Variants in STK11 observed in about 807,000 individuals in gnomAD.
STK11 encodes serine/threonine-protein kinase STK11.
Under a neutral mutation model 47.3 loss-of-function variants are expected in STK11, and 8 were observed. The observed-to-expected ratio is 0.17, with a 90% confidence interval of 0.10 to 0.31. The LOEUF (loss-of-function observed/expected upper bound fraction) is 0.31. Among genes scored for constraint, STK11 ranks in the 10% least tolerant of loss-of-function variants. The pLI is 1.00. For synonymous variants in STK11, 330 were observed against 255.8 expected, an observed-to-expected ratio of 1.29 and a Z score of -2.77; for missense variants, 475 against 605.0, an observed-to-expected ratio of 0.79 and a Z score of 2.25.
At chr19:1,214,598 C>T (rs2080733258) in intron 1 of STK11, among the ~76,000 whole-genome samples, 1 of 152,172 alleles carries the variant, frequency 6.6e-6, no homozygotes. Context: ...GAGTCCTCCA[C>T]CCTCATTTGC....
intron 8 of STK11, chr19:1,223,809 G>A (rs904281400): frequency 5.7e-5 from 59 of 1,033,372 alleles, no homozygotes; most frequent in Non-Finnish European, 6.4e-5. Context: ...GCCCCTCCCC[G>A]CCATGCTCCC....
chr19:1,221,071 T>C, intron 5 of STK11, 142 bp from the exon 6 acceptor site: 1 of 1,238,034 alleles, frequency 8.1e-7, no homozygotes, highest in Non-Finnish European at 1.1e-6. Flanking sequence ...TGGAAGGTGG[T>C]GAAGACAGAG....
chr19:1,210,864 A>G (rs776667246), intron 1 of STK11, among the ~76,000 whole-genome samples: 5 of 144,840 alleles, frequency 3.5e-5, no homozygotes, highest in African/African-American at 7.7e-5. Flanking sequence ...CTCCGTCTCG[A>G]AAAAAAAAAG....
At chr19:1,207,344 C>A in intron 1 of STK11, 141 bp downstream of exon 1, 2 of 1,205,674 alleles carry the variant, frequency 1.7e-6, no homozygotes, top group African/African-American at 1.5e-5. Context: ...CTGTGTCCTC[C>A]GTGCCAGGGA....
intron 2 of STK11, 94 bp from the exon 3 acceptor site, chr19:1,219,230 C>A: frequency 7.0e-7 from 1 of 1,429,194 alleles, no homozygotes; most frequent in Non-Finnish European, 9.6e-7. Context: ...AAGGTGGGTG[C>A]AGAGGGTCCC....
chr19:1,222,364 C>T (rs2080790915), intron 7 of STK11, among the ~76,000 whole-genome samples: 1 of 152,200 alleles, frequency 6.6e-6, no homozygotes, highest in Admixed American at 6.5e-5. Context: ...GGATCCAGCC[C>T]AGGGCCCCCA....
intron 3 of STK11, 33 bp downstream of exon 3, chr19:1,219,446 G>GGGGGCCC: frequency 2.6e-6 from 4 of 1,542,248 alleles, no homozygotes; most frequent in East Asian, 2.5e-5. Flanking sequence ...AGGGTGGGGC[G>GGGGGCCC]GGGGCCGGGG....
chr19:1,226,519 A>G lies in STK11; in HGVS notation c.1174A>G (p.Met392Val), dbSNP rs565993396. 49 of 1,610,168 alleles carry G rather than the reference A, an allele frequency of 3.0e-5. 1 individual carries two copies. The South Asian group carries it at 4.3e-4, about 14-fold the overall frequency. Residue 392 changes from methionine to valine, a missense_variant, in exon 9 of 10, where the codon ATG becomes GTG. Transcript: ENST00000326873. ...QRRGLPKAVC[M>V]NGTEAAQLST... ...CCGGGGCCTCCCCAAGGCCGTGTGT[A>G]TGAACGGCACAGAGGCGGCGCAGCT...
chr19:1,224,786 G>T lies in STK11; in HGVS notation c.1108+1614G>T, dbSNP rs990621820. On this transcript the variant is annotated intron_variant, in intron 8 of 9. Transcript: ENST00000326873. The stretch of plus-strand genomic sequence containing the variant: ...GAGGAGGAGTACCCAGCAGGGGGAA[G>T]GGCCGCCAGACCACTCGGCATGGCT... The T allele has an allele frequency of 7.1e-6, 7 of 985,604 alleles. No homozygotes were observed. The African/African-American group carries it at 1.2e-4, about 17-fold the overall frequency. 61.1% of individuals were successfully genotyped at this position (985,604 alleles called of 1,614,324 possible).
Position 1,227,986 on chromosome 19 carries a change from A to G in STK11, c.*410A>G, listed in dbSNP as rs2080839638. On this transcript the variant is annotated 3_prime_UTR_variant, in exon 10 of 10. Coordinates refer to ENST00000326873, the MANE Select transcript of STK11 (RefSeq NM_000455.5). The stretch of plus-strand genomic sequence containing the variant: ...TGGAGACCAGGCTCCTGACCCCGCC[A>G]TGCATGCAGCGCCACCTGGAAGCCG... The G allele has an allele frequency of 9.4e-7, 1 of 1,068,258 alleles. No individual in the cohort carries two copies. The highest frequency in any genetic ancestry group is 1.6e-5 in the African/African-American group (1 of 61,028). 66.2% of individuals were successfully genotyped at this position (1,068,258 alleles called of 1,614,324 possible).
At chr19:1,208,791 T>TTC (rs2080688657) in intron 1 of STK11, among the ~76,000 whole-genome samples, 1 of 148,524 alleles carries the variant, frequency 6.7e-6, no homozygotes, top group Non-Finnish European at 1.5e-5. Context: ...CTAATTTTTT[T>TTC]TTTTTTTTTT....
In STK11 at chr19:1,206,504, C is replaced by G; in HGVS notation, c.-410C>G. On this transcript the variant is annotated 5_prime_UTR_variant, in exon 1 of 10. Transcript: ENST00000326873. ...CGGCCCGGAGAAGACTGCGCTCGGC[C>G]GTGTTCATACTTGTCCGTGGGCCTG... is the stretch of plus-strand genomic sequence containing the variant. The G allele has an allele frequency of 7.5e-6, 2 of 265,882 alleles. No homozygotes were observed. Among genetic ancestry groups the G allele is most frequent in the Non-Finnish European group, 1.5e-5 (2 of 137,772 alleles). 16.5% of individuals were successfully genotyped at this position (265,882 alleles called of 1,614,324 possible). A position where few individuals can be genotyped will look rare whatever the true frequency, so the allele number is the denominator to read the frequency against.
chr19:1,214,532 A>T (rs539840957), intron 1 of STK11, among the ~76,000 whole-genome samples: 1 of 152,162 alleles, frequency 6.6e-6, no homozygotes, highest in Non-Finnish European at 1.5e-5. Flanking sequence ...ATGATGGCTC[A>T]TGGAGGAGAC....
At chr19:1,225,209 A>G (rs1568715031) in intron 8 of STK11, 1 of 985,052 alleles carries the variant, frequency 1.0e-6, no homozygotes, top group Non-Finnish European at 1.2e-6. Context: ...GCCCCACCAG[A>G]GACGGGCTGG....
chr19:1,218,977 C>G (rs1304591696), intron 2 of STK11, among the ~76,000 whole-genome samples: 2 of 151,806 alleles, frequency 1.3e-5, no homozygotes, highest in African/African-American at 4.8e-5. Flanking sequence ...TTCCCTGAGC[C>G]ACGCGGTCAG....
chr19:1,210,709 A>C (rs1317952128), intron 1 of STK11, among the ~76,000 whole-genome samples: 1 of 152,092 alleles, frequency 6.6e-6, no homozygotes, highest in Admixed American at 6.5e-5. Flanking sequence ...CTAAAAATAC[A>C]AAATTAGCTG....
intron 6 of STK11, 95 bp from the exon 7 acceptor site, chr19:1,221,854 C>T: frequency 6.9e-7 from 1 of 1,449,442 alleles, no homozygotes; most frequent in Middle Eastern, 1.7e-4. Flanking sequence ...CAGGTATCAC[C>T]CAGGGCCTGA....
chr19:1,208,916 C>T (rs1037417278), intron 1 of STK11, among the ~76,000 whole-genome samples: 12 of 151,972 alleles, frequency 7.9e-5, no homozygotes, highest in East Asian at 1.9e-4. Context: ...CCACCGCGCC[C>T]GGCCAGCACG....
Position 1,220,724 on chromosome 19 carries a change from G to A in STK11, c.734+7G>A. The A allele has an allele frequency of 6.2e-7, 1 of 1,604,414 alleles. No individual in the cohort carries two copies. The highest frequency in any genetic ancestry group is 8.5e-7 in the Non-Finnish European group (1 of 1,175,034). On this transcript the variant is annotated splice_region_variant and intron_variant, in intron 5 of 9. Coordinates refer to ENST00000326873, the MANE Select transcript of STK11 (RefSeq NM_000455.5). ...GGTCGGCTGGGGTCACCCTGTAAGT[G>A]CCCCGCCCCCCCGGGCACTCACCAC... is the stretch of plus-strand genomic sequence containing the variant.
Sources: gnomAD v4.1 joint callset for allele counts (sites outside exome capture counted in the v4.1 genomes callset) on GRCh38, gnomAD v4.1.1 for gene constraint, MANE v1.5 for transcripts, NCBI Gene and HGNC (gene_info 2026-07-23, HGNC 2026-07-21) for gene names.